The following LRRTM3 variants were observed in gnomAD, a reference collection of about 807,000 sequenced individuals.
The protein encoded by LRRTM3 is leucine-rich repeat transmembrane neuronal protein 3.
LRRTM3 carries 24 observed loss-of-function variants against 44.7 expected under a neutral mutation model. The ratio of observed to expected loss-of-function variants is 0.54; its 90% CI spans 0.39 to 0.76. The LOEUF (loss-of-function observed/expected upper bound fraction) is 0.76, where lower values mean the gene tolerates loss of function less well. Ranked by LOEUF, LRRTM3 falls within the 30% of genes least tolerant of loss-of-function variation. The pLI, the probability that LRRTM3 is intolerant of heterozygous loss-of-function variation, is 0.00. For synonymous variants in LRRTM3, 277 were observed against 278.7 expected (o/e 0.99, Z 0.06); for missense variants, 587 against 702.2 (o/e 0.84, Z 1.85).
chr10:66,970,477 T>C (rs1490035834), intron 2 of LRRTM3, among the ~76,000 whole-genome samples: 1 of 140,116 alleles, frequency 7.1e-6, no homozygotes, highest in Non-Finnish European at 1.5e-5. Flanking sequence ...CCAGAAATAC[T>C]CCACAAAAGG....
chr10:67,094,569 G>A (rs1180450240), intron 2 of LRRTM3, among the ~76,000 whole-genome samples: 1 of 151,594 alleles, frequency 6.6e-6, no homozygotes, highest in Non-Finnish European at 1.5e-5. Flanking sequence ...GTCAAGCATG[G>A]TGCCTCATAT....
At chr10:67,070,704 G>C (rs571263397) in intron 2 of LRRTM3, among the ~76,000 whole-genome samples, 3 of 151,226 alleles carry the variant, frequency 2.0e-5, no homozygotes, top group Admixed American at 6.6e-5. Context: ...CTGAGGTCAC[G>C]CCACTGCACT....
At chr10:66,978,959 C>CGTT in intron 2 of LRRTM3, among the ~76,000 whole-genome samples, 2 of 128,360 alleles carry the variant, frequency 1.6e-5, no homozygotes, top group African/African-American at 5.7e-5. Context: ...ATACTTATTT[C>CGTT]CTTTTTTTTT....
At chr10:67,053,911 T>C (rs1022121447) in intron 2 of LRRTM3, among the ~76,000 whole-genome samples, 4 of 152,108 alleles carry the variant, frequency 2.6e-5, no homozygotes, top group Non-Finnish European at 5.9e-5. Flanking sequence ...CATGATTACC[T>C]CCCAAATGGT....
At chr10:67,079,904 CACACAA>C (rs1323177908) in intron 2 of LRRTM3, among the ~76,000 whole-genome samples, 3 of 137,642 alleles carry the variant, frequency 2.2e-5, no homozygotes, top group Admixed American at 1.4e-4. Context: ...CACACACACA[CACACAA>C]AGATAGTCAC....
chr10:67,063,976 A>G (rs542806516), intron 2 of LRRTM3, among the ~76,000 whole-genome samples: 145 of 152,286 alleles, frequency 9.5e-4, no homozygotes, highest in Middle Eastern at 3.4e-3. Context: ...CAAAAGTAAC[A>G]CAGTCAGTTG....
chr10:66,927,287 T>C lies in LRRTM3; in HGVS notation c.371T>C (p.Phe124Ser), dbSNP rs1847134629. ...LILSSNRISY[F>S]LNNTFRPVTN... ...CTTAGTTCCAATAGAATCTCCTATT[T>C]TCTTAACAATACCTTCAGACCTGTG... The change falls in exon 2 of 3, where the codon TTT (phenylalanine) becomes TCT (serine). Residue 124 changes from phenylalanine to serine, a missense_variant. Phe to Ser is a radical substitution (Grantham distance 155). Around this residue, in one of 3 missense-constraint regions of LRRTM3, gnomAD observed 222 missense variants for 323.3 expected, o/e 0.69. Coordinates refer to ENST00000361320, the MANE Select transcript of LRRTM3 (RefSeq NM_178011.5). This position sits in a 1 kb window ranked among gnomAD's most constrained non-coding sequence, Gnocchi z 4.7. 1 of 1,614,044 alleles carries C rather than the reference T, an allele frequency of 6.2e-7. No homozygotes were observed. Among genetic ancestry groups the C allele is most frequent in the South Asian group, 1.1e-5 (1 of 91,088 alleles).
At chr10:67,045,674 G>A (rs1050732355) in intron 2 of LRRTM3, among the ~76,000 whole-genome samples, 5 of 152,154 alleles carry the variant, frequency 3.3e-5, no homozygotes, top group Admixed American at 1.3e-4. Flanking sequence ...TAGTCCTGGC[G>A]CGGGATGGGG....
Position 66,927,262 on chromosome 10 carries a change from C to A in LRRTM3, c.346C>A (p.Leu116Ile). ...NGIRRLKELI[L>I]SSNRISYFLN... ...AATACGCAGACTCAAAGAGCTGATT[C>A]TTAGTTCCAATAGAATCTCCTATTT... is the stretch of plus-strand genomic sequence containing the variant. Residue 116 changes from leucine (L) to isoleucine (I), a missense_variant, in exon 2 of 3, where the codon CTT becomes ATT. Physicochemically the swap from Leu to Ile is conservative, Grantham distance 5 (BLOSUM62 2). Around this residue, in one of 3 missense-constraint regions of LRRTM3, gnomAD observed 222 missense variants for 323.3 expected, o/e 0.69. Coordinates refer to ENST00000361320, the MANE Select transcript of LRRTM3 (RefSeq NM_178011.5). This position sits in a 1 kb window ranked among gnomAD's most constrained non-coding sequence, Gnocchi z 4.7. 6.2e-7 allele frequency: 1 copy of A among 1,614,082 alleles called. No homozygotes were observed. Among genetic ancestry groups the A allele is most frequent in the Non-Finnish European group, 8.5e-7 (1 of 1,180,024 alleles).
intron 2 of LRRTM3, among the ~76,000 whole-genome samples, chr10:67,089,794 A>T (rs1260076178): frequency 6.7e-6 from 1 of 150,332 alleles, no homozygotes; most frequent in African/African-American, 2.4e-5. Context: ...TAGGCCCCCC[A>T]TCCATTGCCT....
rs186268552 is a variant in LRRTM3, at chr10:66,978,618, G to A, written c.1536+50166G>A. Among the ~76,000 whole-genome samples, 99 of 140,138 alleles carry A rather than the reference G, an allele frequency of 7.1e-4. 1 individual carries two copies. Among genetic ancestry groups the A allele is most frequent in the African/African-American group, 2.5e-3 (96 of 38,094 alleles). 91.9% of individuals were successfully genotyped at this position (140,138 alleles called of 152,430 possible). A position where few individuals can be genotyped will look rare whatever the true frequency, so the allele number is the denominator to read the frequency against. Reference sequence around the variant, plus strand: ...TAAGGGAGTAGATCTTATGTTAAGTGTTCTTACCACAGTTTTTAAAAAGAG... The same window carrying A: ...TAAGGGAGTAGATCTTATGTTAAGTATTCTTACCACAGTTTTTAAAAAGAG... On this transcript the variant is annotated intron_variant, in intron 2 of 2. Transcript: ENST00000361320.
At chr10:67,079,351 A>G (rs532887325) in intron 2 of LRRTM3, among the ~76,000 whole-genome samples, 2 of 152,234 alleles carry the variant, frequency 1.3e-5, no homozygotes, top group South Asian at 4.1e-4. Context: ...CCACAGTTGC[A>G]GAAGGAACAC....
At chr10:66,968,352 A>G (rs1034693006) in intron 2 of LRRTM3, among the ~76,000 whole-genome samples, 2 of 149,880 alleles carry the variant, frequency 1.3e-5, no homozygotes, top group African/African-American at 4.9e-5. Flanking sequence ...AATATTATAT[A>G]TATATATAAA....
intron 2 of LRRTM3, among the ~76,000 whole-genome samples, chr10:67,069,529 A>G (rs1217003592): frequency 6.6e-6 from 1 of 152,058 alleles, no homozygotes; most frequent in Non-Finnish European, 1.5e-5. Flanking sequence ...AAACTAAGAA[A>G]CAGATATTAC....
intron 2 of LRRTM3, among the ~76,000 whole-genome samples, chr10:66,990,936 ATT>A (rs1564816667): frequency 6.6e-6 from 1 of 152,208 alleles, no homozygotes; most frequent in Non-Finnish European, 1.5e-5. Context: ...ACAAAGCATC[ATT>A]ATTCCTATGA....
At chr10:67,052,718 GGTACATCCTGCCAGCCAACAAGT>G (rs1855185326) in intron 2 of LRRTM3, 1 of 151,898 alleles carries the variant, frequency 6.6e-6, no homozygotes, top group Non-Finnish European at 1.5e-5. Flanking sequence ...TTTACATAAT[GGTACATCCTGCCAGCCAACAAGT>G]TTTACTACAA....
rs1347947914 is a variant in LRRTM3 at position 67,101,339 on chromosome 10, G to A, written c.*3543G>A. On this transcript the variant is annotated 3_prime_UTR_variant, in exon 3 of 3. Coordinates refer to ENST00000361320, the MANE Select transcript of LRRTM3 (RefSeq NM_178011.5). ...TGTCAACTGAACACATGTTCAATTC[G>A]GAGCTAATTGGGAAGACTTACATAA... Among the ~76,000 whole-genome samples the A allele has an allele frequency of 4.6e-5, 7 of 151,612 alleles. No homozygotes were observed. Among genetic ancestry groups the A allele is most frequent in the Admixed American group, 2.6e-4 (4 of 15,146 alleles).
intron 2 of LRRTM3, among the ~76,000 whole-genome samples, chr10:67,007,754 A>G (rs1055048666): frequency 2.6e-5 from 4 of 152,002 alleles, no homozygotes; most frequent in African/African-American, 7.2e-5. Flanking sequence ...ATATATTAAT[A>G]AAAATAGTAT....
intron 2 of LRRTM3, among the ~76,000 whole-genome samples, chr10:67,080,628 G>A (rs776321289): frequency 1.8e-4 from 28 of 152,184 alleles, no homozygotes; most frequent in Non-Finnish European, 3.5e-4. Flanking sequence ...GTGAAGTAAC[G>A]GCCGGGCATG....
Sources: allele counts gnomAD v4.1 joint callset (sites outside exome capture counted in the v4.1 genomes callset), GRCh38; gene constraint gnomAD v4.1.1; regional missense constraint gnomAD v4.1.1; non-coding constraint Gnocchi (gnomAD v3.1); transcripts MANE v1.5; gene names NCBI Gene and HGNC (gene_info 2026-07-23, HGNC 2026-07-21).